ADAMTSL1: variants seen among roughly 807,000 people sequenced by gnomAD.
ADAMTSL1 encodes the protein ADAMTS-like protein 1.
In ADAMTSL1, 126 loss-of-function variants were observed where a neutral mutation model predicts 201.8. The ratio of observed to expected loss-of-function variants is 0.62; its 90% CI spans 0.54 to 0.72. The LOEUF is 0.72. ADAMTSL1 is among the 30% of genes least tolerant of loss of function. The probability of loss-of-function intolerance (pLI) is 0.00; values close to 1 mark genes in which losing one functional copy is unlikely to be tolerated. For missense variants in ADAMTSL1, 2,679 were observed against 2,277.8 expected, an observed-to-expected ratio of 1.18 and a Z score of -3.59; for synonymous variants, 1,121 against 903.4, an observed-to-expected ratio of 1.24 and a Z score of -4.32.
intron 14 of ADAMTSL1, among the ~76,000 whole-genome samples, chr9:18,714,810 G>A (rs1832820006): frequency 6.6e-6 from 1 of 151,700 alleles, no homozygotes; most frequent in South Asian, 2.1e-4. Context: ...GAGAATTTTA[G>A]ACCAATATCC....
chr9:18,715,407 T>C (rs1239680963), intron 14 of ADAMTSL1, among the ~76,000 whole-genome samples: 2 of 152,262 alleles, frequency 1.3e-5, no homozygotes, highest in East Asian at 3.9e-4. Flanking sequence ...ACAAAATCAA[T>C]GTACAAAAAT....
At chr9:18,552,586 C>G (rs1475552814) in intron 3 of ADAMTSL1, among the ~76,000 whole-genome samples, 2 of 151,506 alleles carry the variant, frequency 1.3e-5, no homozygotes, top group Admixed American at 1.3e-4. Flanking sequence ...ATTAAATGTC[C>G]TAGTTCTTTA....
rs143947146 is a variant in ADAMTSL1, at chr9:18,574,227, T to C, written c.435T>C (p.Tyr145=). The C allele has an allele frequency of 1.0e-4, 169 of 1,614,204 alleles. No homozygotes were observed. The highest frequency in any genetic ancestry group is 1.4e-4 in the Non-Finnish European group (163 of 1,180,012). The change falls in exon 4 of 29, where the codon TAT becomes TAC. Residue 145 remains tyrosine, a synonymous_variant. Coordinates refer to ENST00000380548, the MANE Select transcript of ADAMTSL1 (RefSeq NM_001040272.6). The part of the protein sequence containing the change: ...APKVLDGTRC[Y]TESLDMCISG... The stretch of plus-strand genomic sequence containing the variant: ...AGGTCTTAGATGGTACGCGTTGCTA[T>C]ACAGAATCTTTGGATATGTGCATCA...
intron 2 of ADAMTSL1, among the ~76,000 whole-genome samples, chr9:18,193,965 A>T (rs1829073900): frequency 6.6e-6 from 1 of 152,198 alleles, no homozygotes; most frequent in African/African-American, 2.4e-5. Flanking sequence ...AGTGCTATTT[A>T]GTAGCTTCTT....
At chr9:18,636,718 C>A (rs1242887741) in intron 6 of ADAMTSL1, among the ~76,000 whole-genome samples, 2 of 152,044 alleles carry the variant, frequency 1.3e-5, no homozygotes, top group Non-Finnish European at 2.9e-5. Context: ...TAGATACAGA[C>A]CTGTAAATTA....
intron 21 of ADAMTSL1, among the ~76,000 whole-genome samples, chr9:18,824,849 C>A (rs1257318645): frequency 6.6e-6 from 1 of 151,994 alleles, no homozygotes; most frequent in African/African-American, 2.4e-5. Flanking sequence ...AGGTGCCCAC[C>A]ACCATGCCTG....
At position 18,245,558 on chromosome 9, in the gene ADAMTSL1, G is replaced by A. The variant is rs77005882; in HGVS notation, c.207+81577G>A. ...GGAATTATGGGGTTGAGAAAAAATGGGTCAGGATATAACTGGGTAGTCCTT... is the reference window on the plus strand; with the variant it reads ...GGAATTATGGGGTTGAGAAAAAATGAGTCAGGATATAACTGGGTAGTCCTT... On this transcript the variant is annotated intron_variant, in intron 2 of 29. Transcript: ENST00000680146. 6.2e-3 allele frequency among the ~76,000 whole-genome samples: 940 copies of A among 152,180 alleles called. 15 individuals are homozygous for A. The highest frequency in any genetic ancestry group is 0.021 in the African/African-American group (881 of 41,510).
intron 2 of ADAMTSL1, among the ~76,000 whole-genome samples, chr9:18,173,511 T>C (rs1009524547): frequency 6.6e-6 from 1 of 152,160 alleles, no homozygotes; most frequent in Non-Finnish European, 1.5e-5. Context: ...ATAATTCTTT[T>C]TTCTTTATCA....
At chr9:18,386,522 ATTTC>A (rs1438924137) in intron 2 of ADAMTSL1, among the ~76,000 whole-genome samples, 1 of 152,116 alleles carries the variant, frequency 6.6e-6, no homozygotes, top group Non-Finnish European at 1.5e-5. Flanking sequence ...AATTTTGAGA[ATTTC>A]TTTATTTAAT....
rs538250163 is a variant in ADAMTSL1 at position 18,733,773 on chromosome 9, C to T, written c.2006+12108C>T. Among the ~76,000 whole-genome samples, 14 of 151,980 alleles carry T rather than the reference C, an allele frequency of 9.2e-5. No individual in the cohort carries two copies. In the South Asian group the frequency reaches 2.9e-3, roughly 32 times the overall value. The stretch of plus-strand genomic sequence containing the variant: ...CTTTCCTAGTGCCTGTTCCCTCTCT[C>T]CCCTGAAGACTTATTCTCAGTCACC... On this transcript the variant is annotated intron_variant, in intron 15 of 28. Coordinates refer to ENST00000380548, the MANE Select transcript of ADAMTSL1 (RefSeq NM_001040272.6).
At chr9:18,180,916 T>C (rs1261675104) in intron 2 of ADAMTSL1, among the ~76,000 whole-genome samples, 1 of 152,180 alleles carries the variant, frequency 6.6e-6, no homozygotes, top group Non-Finnish European at 1.5e-5. Context: ...CAAAACAGCA[T>C]GGTACTGGTA....
intron 4 of ADAMTSL1, among the ~76,000 whole-genome samples, chr9:18,603,801 T>G (rs1021930468): frequency 2.0e-5 from 3 of 152,190 alleles, no homozygotes; most frequent in African/African-American, 7.2e-5. Flanking sequence ...TCTCCAGGAC[T>G]TTTTCATCTT....
chr9:18,339,234 C>A (rs1421819635), intron 2 of ADAMTSL1, among the ~76,000 whole-genome samples: 1 of 152,038 alleles, frequency 6.6e-6, no homozygotes, highest in African/African-American at 2.4e-5. Flanking sequence ...TATCCAGACG[C>A]TATAAGGAAC....
chr9:18,456,033 A>C (rs537502400), intron 2 of ADAMTSL1, among the ~76,000 whole-genome samples: 3 of 152,174 alleles, frequency 2.0e-5, no homozygotes, highest in African/African-American at 7.2e-5. Context: ...AGTCACCGTT[A>C]CCTTTCATAT....
chr9:18,554,285 C>A (rs548464985), intron 3 of ADAMTSL1, among the ~76,000 whole-genome samples: 100 of 151,852 alleles, frequency 6.6e-4, no homozygotes, highest in Non-Finnish European at 1.3e-3. Flanking sequence ...GATAATTTCA[C>A]TATCAGAATT....
intron 7 of ADAMTSL1, among the ~76,000 whole-genome samples, chr9:18,641,642 T>C (rs1827447138): frequency 6.6e-6 from 1 of 152,098 alleles, no homozygotes; most frequent in Non-Finnish European, 1.5e-5. Flanking sequence ...TATGTAATTC[T>C]TAAATTAGTT....
intron 23 of ADAMTSL1, among the ~76,000 whole-genome samples, chr9:18,857,091 A>G (rs10963807): frequency 0.2 from 30,172 of 152,090 alleles, 7,032 homozygotes; most frequent in African/African-American, 0.57. Context: ...GGTTTGAGAC[A>G]CGAGTTTCAA....
At chr9:18,165,335 T>G (rs956020077) in intron 2 of ADAMTSL1, among the ~76,000 whole-genome samples, 3 of 151,886 alleles carry the variant, frequency 2.0e-5, no homozygotes, top group Non-Finnish European at 2.9e-5. Flanking sequence ...TATTATATCA[T>G]TTATGCCATA....
intron 14 of ADAMTSL1, 31 bp from the exon 15 acceptor site, chr9:18,721,505 A>G: frequency 1.2e-6 from 2 of 1,611,322 alleles, no homozygotes; most frequent in Middle Eastern, 1.7e-4. Flanking sequence ...CCCACTTTGC[A>G]CTCTGGCCTG....
Sources: allele counts gnomAD v4.1 joint callset (sites outside exome capture counted in the v4.1 genomes callset), GRCh38; gene constraint gnomAD v4.1.1; transcripts MANE v1.5; gene names NCBI Gene and HGNC (gene_info 2026-07-23, HGNC 2026-07-21).